TMTC2: variants seen among roughly 807,000 people sequenced by gnomAD.
TMTC2 encodes protein O-mannosyl-transferase TMTC2.
A neutral mutation model predicts 82.4 loss-of-function variants in TMTC2; 43 were observed. The observed-to-expected ratio is 0.52, with a 90% CI of 0.41 to 0.67. The LOEUF (loss-of-function observed/expected upper bound fraction) is 0.67. Among genes scored for constraint, TMTC2 ranks in the 30% least tolerant of loss-of-function variants. TMTC2 has a pLI of 0.00. For synonymous variants in TMTC2, 408 were observed against 381.9 expected, an observed-to-expected ratio of 1.07 and a Z score of -0.80; for missense variants, 919 against 1,012.4, an observed-to-expected ratio of 0.91 and a Z score of 1.25.
chr12:82,807,052 G>C (rs140176551), intron 1 of TMTC2, among the ~76,000 whole-genome samples: 1 of 152,188 alleles, frequency 6.6e-6, no homozygotes, highest in Admixed American at 6.5e-5. Context: ...AAGCAAACAG[G>C]AATTGATATG....
intron 1 of TMTC2, among the ~76,000 whole-genome samples, chr12:82,805,589 G>A (rs1052994907): frequency 2.2e-5 from 3 of 137,470 alleles, no homozygotes; most frequent in African/African-American, 8.3e-5. Flanking sequence ...CTCACTGTAA[G>A]CTCCGTCTCC....
Position 82,879,088 on chromosome 12 carries a change from G to T in TMTC2, c.655-16730G>T, listed in dbSNP as rs978913620. Among the ~76,000 whole-genome samples the T allele has an allele frequency of 2.6e-4, 40 of 152,062 alleles. 2 individuals are homozygous for T. Among genetic ancestry groups the T allele is most frequent in the Admixed American group, 2.6e-4 (4 of 15,258 alleles). ...CTGGATTTTATAGATACAAATTTTT[G>T]ACCTCTTTGTCTCCTAGCATTGACC... On this transcript the variant is annotated intron_variant, in intron 2 of 11. Coordinates refer to ENST00000321196, the MANE Select transcript of TMTC2 (RefSeq NM_152588.3).
intron 1 of TMTC2, among the ~76,000 whole-genome samples, chr12:82,831,013 C>T (rs1869717637): frequency 6.6e-6 from 1 of 152,036 alleles, no homozygotes; most frequent in Non-Finnish European, 1.5e-5. Flanking sequence ...TAGGTTAAAA[C>T]AATATTCTGT....
At chr12:83,074,979 C>A (rs183567751) in intron 11 of TMTC2, among the ~76,000 whole-genome samples, 45 of 152,308 alleles carry the variant, frequency 3.0e-4, no homozygotes, top group African/African-American at 1.1e-3. Context: ...CTCTGGCCAC[C>A]CTCCTGATGG....
intron 11 of TMTC2, among the ~76,000 whole-genome samples, chr12:83,126,951 T>C (rs183530591): frequency 1.1e-4 from 16 of 152,284 alleles, no homozygotes; most frequent in Admixed American, 7.2e-4. Context: ...TTAAAATGTT[T>C]ATACTATTCA....
intron 11 of TMTC2, among the ~76,000 whole-genome samples, chr12:83,063,729 T>C (rs1309857422): frequency 1.3e-5 from 2 of 151,896 alleles, no homozygotes; most frequent in East Asian, 1.9e-4. Context: ...TATTCAGTAA[T>C]ATTTACAGAG....
At chr12:82,688,679 T>G (rs1163678937) in intron 1 of TMTC2, among the ~76,000 whole-genome samples, 1 of 152,222 alleles carries the variant, frequency 6.6e-6, no homozygotes, top group Non-Finnish European at 1.5e-5. Context: ...GGGTGTTTCA[T>G]GCTCCATTGA....
chr12:83,000,458 A>T (rs991374267), intron 8 of TMTC2, among the ~76,000 whole-genome samples: 1 of 152,202 alleles, frequency 6.6e-6, no homozygotes, highest in African/African-American at 2.4e-5. Context: ...CTAAAGCTCC[A>T]TAATGATCTC....
chr12:82,729,054 C>A (rs1874618521), intron 1 of TMTC2, among the ~76,000 whole-genome samples: 1 of 152,214 alleles, frequency 6.6e-6, no homozygotes, highest in Non-Finnish European at 1.5e-5. Context: ...ACGAGCGCTG[C>A]CCCCTGCTCC....
intron 8 of TMTC2, among the ~76,000 whole-genome samples, chr12:83,000,303 T>A (rs541036925): frequency 1.1e-4 from 17 of 152,110 alleles, no homozygotes; most frequent in Admixed American, 2.6e-4. Context: ...CCTAGCAAAT[T>A]TTTTGTATTT....
At chr12:83,102,151 A>G (rs1884240777) in intron 11 of TMTC2, among the ~76,000 whole-genome samples, 1 of 152,212 alleles carries the variant, frequency 6.6e-6, no homozygotes, top group African/African-American at 2.4e-5. Context: ...ATTTGCCCCC[A>G]CATCAGAAAA....
At chr12:82,770,756 G>A (rs898420501) in intron 1 of TMTC2, among the ~76,000 whole-genome samples, 4 of 152,010 alleles carry the variant, frequency 2.6e-5, no homozygotes, top group Non-Finnish European at 4.4e-5. Context: ...GGAGTTGCTC[G>A]GATTACACGG....
rs1197321729 is a variant in TMTC2 at position 82,854,853 on chromosome 12, T to C, written c.84-2157T>C. ...ATTGTATATAATCATCAACTTCTGA[T>C]CGGCCTATTTTAATTCTAACCCCAA... On this transcript the variant is annotated intron_variant, in intron 1 of 11. Transcript: ENST00000321196. 3.9e-5 allele frequency among the ~76,000 whole-genome samples: 6 copies of C among 152,324 alleles called. No individual in the cohort carries two copies. The East Asian group carries it at 1.2e-3, about 29-fold the overall frequency.
chr12:82,768,632 G>T (rs1322262329), intron 1 of TMTC2, among the ~76,000 whole-genome samples: 1 of 151,884 alleles, frequency 6.6e-6, no homozygotes, highest in Non-Finnish European at 1.5e-5. Flanking sequence ...GTTAAAATTA[G>T]GTTCCATATT....
chr12:82,970,337 CT>C (rs1300333500), intron 7 of TMTC2, among the ~76,000 whole-genome samples: 1 of 152,216 alleles, frequency 6.6e-6, no homozygotes, highest in African/African-American at 2.4e-5. Flanking sequence ...TTTCCTTAGG[CT>C]TTTTGAGACG....
intron 3 of TMTC2, 54 bp downstream of exon 3, chr12:82,896,700 A>G (rs982582955): frequency 2.9e-6 from 4 of 1,401,652 alleles, no homozygotes; most frequent in South Asian, 2.8e-5. Context: ...CAGCCTCTTT[A>G]TATCTTTGCT....
chr12:82,887,512 T>C (rs1231358978), intron 2 of TMTC2, among the ~76,000 whole-genome samples: 1 of 152,190 alleles, frequency 6.6e-6, no homozygotes, highest in Admixed American at 6.5e-5. Flanking sequence ...AAGATTTTGA[T>C]GTTTTCTGAT....
At chr12:82,985,777 T>G in intron 7 of TMTC2, 148 bp from the exon 8 acceptor site, 1 of 1,042,502 alleles carries the variant, frequency 9.6e-7, no homozygotes, top group Non-Finnish European at 1.3e-6. Context: ...GATGACTTCT[T>G]TGGGAATCAG....
chr12:82,988,168 C>T (rs1879247968), intron 8 of TMTC2, among the ~76,000 whole-genome samples: 1 of 151,920 alleles, frequency 6.6e-6, no homozygotes, highest in African/African-American at 2.4e-5. Flanking sequence ...TATACAGGAA[C>T]AATAGGAATG....
Sources: gnomAD v4.1 joint callset for allele counts (sites outside exome capture counted in the v4.1 genomes callset) on GRCh38, gnomAD v4.1.1 for gene constraint, MANE v1.5 for transcripts, NCBI Gene and HGNC (gene_info 2026-07-23, HGNC 2026-07-21) for gene names.